The following LGR4 variants were observed in gnomAD, a reference collection of about 807,000 sequenced individuals.
LGR4 encodes the protein leucine-rich repeat-containing G protein-coupled receptor 4.
Under a neutral mutation model 84.8 loss-of-function variants are expected in LGR4, and 44 were observed. The ratio of observed to expected loss-of-function variants is 0.52; its 90% CI spans 0.41 to 0.67. The LOEUF (loss-of-function observed/expected upper bound fraction) is 0.67, where lower values mean the gene tolerates loss of function less well. Ranked by LOEUF, LGR4 falls within the 30% of genes least tolerant of loss-of-function variation. The pLI is 0.00. For synonymous variants in LGR4, 429 were observed against 434.3 expected (o/e 0.99, Z 0.15); for missense variants, 1,032 against 1,131.4 (o/e 0.91, Z 1.26).
intron 2 of LGR4, among the ~76,000 whole-genome samples, chr11:27,394,379 T>C (rs1472770480): frequency 3.3e-5 from 5 of 152,152 alleles, no homozygotes; most frequent in African/African-American, 1.2e-4. Flanking sequence ...GCTTTATCAC[T>C]ACATTTTTTA....
chr11:27,380,615 T>C, intron 9 of LGR4, 25 bp downstream of exon 9: 1 of 1,413,684 alleles, frequency 7.1e-7, no homozygotes, highest in African/African-American at 1.4e-5. Context: ...AATATCCAGG[T>C]TTGTTTTTAA....
chr11:27,430,548 C>T (rs1452790451), intron 1 of LGR4, among the ~76,000 whole-genome samples: 1 of 152,092 alleles, frequency 6.6e-6, no homozygotes, highest in Non-Finnish European at 1.5e-5. Flanking sequence ...TTTCATGGGC[C>T]TCCATTATGA....
intron 1 of LGR4, chr11:27,471,914 C>T (rs915933741): frequency 2.8e-6 from 1 of 358,104 alleles, no homozygotes; most frequent in Non-Finnish European, 4.9e-6. Context: ...CTGGCTCGAA[C>T]CCGGACTAGC....
At position 27,472,387 on chromosome 11, in the gene LGR4, C is replaced by A; in HGVS notation, c.-85G>T. On this transcript the variant is annotated 5_prime_UTR_variant, in exon 1 of 18. Transcript: ENST00000379214. ...GATGTCCCCCGCCGCCCCCGGGCAGCCGGCCTGCGGGCTGGAGCGGGGGTC... is the reference window on the plus strand; with the variant it reads ...GATGTCCCCCGCCGCCCCCGGGCAGACGGCCTGCGGGCTGGAGCGGGGGTC... 1 of 1,096,876 alleles carries A rather than the reference C, an allele frequency of 9.1e-7. No homozygotes were observed. Among genetic ancestry groups the A allele is most frequent in the African/African-American group, 1.6e-5 (1 of 61,010 alleles). 67.9% of individuals were successfully genotyped at this position (1,096,876 alleles called of 1,614,324 possible). A position where few individuals can be genotyped will look rare whatever the true frequency, so the allele number is the denominator to read the frequency against.
chr11:27,462,833 T>C (rs1413777171), intron 1 of LGR4, among the ~76,000 whole-genome samples: 1 of 151,730 alleles, frequency 6.6e-6, no homozygotes, highest in East Asian at 1.9e-4. Context: ...AATGCCCTCC[T>C]GAACTCGGAT....
intron 1 of LGR4, among the ~76,000 whole-genome samples, chr11:27,447,034 A>T (rs1203982895): frequency 7.0e-6 from 1 of 143,254 alleles, no homozygotes; most frequent in Non-Finnish European, 1.5e-5. Context: ...GGGGCCTGTC[A>T]TGGGGTCAGG....
intron 1 of LGR4, among the ~76,000 whole-genome samples, chr11:27,464,776 T>C (rs926854034): frequency 2.0e-5 from 3 of 152,204 alleles, no homozygotes; most frequent in African/African-American, 7.2e-5. Flanking sequence ...ATGTAACTTG[T>C]TATTTTTTCT....
chr11:27,471,623 T>C (rs531832000), intron 1 of LGR4: 2 of 152,298 alleles, frequency 1.3e-5, no homozygotes, highest in Non-Finnish European at 2.9e-5. Flanking sequence ...TCTCCCCACA[T>C]GCTGGAACCC....
chr11:27,378,711 C>A lies in LGR4; in HGVS notation c.1029G>T (p.Lys343Asn). Residue 343 changes from lysine (K) to asparagine (N), a missense_variant, in exon 11 of 18, where the codon AAG (lysine) becomes AAT (asparagine). Physicochemically the swap from Lys to Asn is moderately conservative, Grantham distance 94. Transcript: ENST00000379214. ...ATCCAACTTACAAAGTCCTAAGCATCTTTTGTTCTTGACACAAATTATTAG... is the reference window on the plus strand; with the variant it reads ...ATCCAACTTACAAAGTCCTAAGCATATTTTGTTCTTGACACAAATTATTAG... ...SIPNNLCQEQ[K>N]MLRTLDLSYN... 6.2e-7 allele frequency: 1 copy of A among 1,609,812 alleles called. No homozygotes were observed. The highest frequency in any genetic ancestry group is 1.1e-5 in the South Asian group (1 of 90,764).
intron 1 of LGR4, among the ~76,000 whole-genome samples, chr11:27,427,406 A>G (rs1417512438): frequency 1.3e-5 from 2 of 152,166 alleles, no homozygotes; most frequent in Non-Finnish European, 2.9e-5. Flanking sequence ...GGACAGAGCC[A>G]TTCAGGAAAC....
chr11:27,367,666 A>G lies in LGR4; in HGVS notation c.*201T>C, dbSNP rs1862792453. 1 of 503,074 alleles carries G rather than the reference A, an allele frequency of 2.0e-6. No homozygotes were observed. The highest frequency in any genetic ancestry group is 3.5e-6 in the Non-Finnish European group (1 of 285,756). 31.2% of individuals were successfully genotyped at this position (503,074 alleles called of 1,614,324 possible). On this transcript the variant is annotated 3_prime_UTR_variant, in exon 18 of 18. Coordinates refer to ENST00000379214, the MANE Select transcript of LGR4 (RefSeq NM_018490.5). ...CAAACAGATCATACATTGCTTGGAC[A>G]TTGCATTTTTCACCAATTTATAATT... is the stretch of plus-strand genomic sequence containing the variant.
In LGR4 at chr11:27,373,558, T is replaced by A; in HGVS notation, c.1372A>T (p.Asn458Tyr). 1 of 1,571,372 alleles carries A rather than the reference T, an allele frequency of 6.4e-7. No homozygotes were observed. The highest frequency in any genetic ancestry group is 8.7e-7 in the Non-Finnish European group (1 of 1,155,998). The change falls in exon 15 of 18, where the codon AAC becomes TAC. Residue 458 changes from asparagine to tyrosine, a missense_variant. By Grantham distance (143) the Asn-to-Tyr change is moderately radical. Transcript: ENST00000379214. ...KEALAAKDFVNLRSLSVPYAY... is the reference protein window; with the variant it reads ...KEALAAKDFVYLRSLSVPYAY... ...AAATAAGCAAAAACACACCTGAGGTTAACAAAGTCTTTTGCTGCTAAGGCT... is the reference window on the plus strand; with the variant it reads ...AAATAAGCAAAAACACACCTGAGGTAAACAAAGTCTTTTGCTGCTAAGGCT...
At chr11:27,406,000 C>G (rs942469249) in intron 2 of LGR4, among the ~76,000 whole-genome samples, 1 of 152,178 alleles carries the variant, frequency 6.6e-6, no homozygotes, top group Non-Finnish European at 1.5e-5. Flanking sequence ...CTTAGTCTAG[C>G]CCTAAGCTCT....
chr11:27,446,835 C>A (rs1833226043), intron 1 of LGR4, among the ~76,000 whole-genome samples: 1 of 152,064 alleles, frequency 6.6e-6, no homozygotes, highest in Non-Finnish European at 1.5e-5. Context: ...CACATATACA[C>A]CATGGAATAC....
intron 1 of LGR4, among the ~76,000 whole-genome samples, chr11:27,438,646 T>C (rs1484696451): frequency 6.6e-6 from 1 of 151,882 alleles, no homozygotes; most frequent in African/African-American, 2.4e-5. Flanking sequence ...CACTCCTTAA[T>C]ATGGGTGGGC....
chr11:27,427,150 A>G (rs1006962483), intron 1 of LGR4, among the ~76,000 whole-genome samples: 1 of 152,198 alleles, frequency 6.6e-6, no homozygotes, highest in African/African-American at 2.4e-5. Context: ...ATAACATGGA[A>G]TTCTGGGTAC....
chr11:27,404,067 T>C (rs1387368668), intron 2 of LGR4, among the ~76,000 whole-genome samples: 1 of 152,242 alleles, frequency 6.6e-6, no homozygotes, highest in Non-Finnish European at 1.5e-5. Flanking sequence ...GCCTATTTTC[T>C]TGCTGGAAAA....
intron 3 of LGR4, 75 bp from the exon 4 acceptor site, chr11:27,391,240 T>G (rs1863280088): frequency 4.6e-6 from 3 of 653,106 alleles, no homozygotes; most frequent in Non-Finnish European, 7.9e-6. Flanking sequence ...AGAGCCTTTT[T>G]TTTTTTTTTT....
chr11:27,403,377 G>A (rs766456129), intron 2 of LGR4, among the ~76,000 whole-genome samples: 1 of 152,142 alleles, frequency 6.6e-6, no homozygotes, highest in Non-Finnish European at 1.5e-5. Flanking sequence ...TCTTGAGCCC[G>A]TGAGGTCAAG....
Sources: gnomAD v4.1 joint callset for allele counts (sites outside exome capture counted in the v4.1 genomes callset) on GRCh38, gnomAD v4.1.1 for gene constraint, MANE v1.5 for transcripts, NCBI Gene and HGNC (gene_info 2026-07-23, HGNC 2026-07-21) for gene names.